Variants in TCF12 observed in about 807,000 individuals in gnomAD.
The protein encoded by TCF12 is DNA-binding protein HTF4.
In TCF12, 45 loss-of-function variants were observed where a neutral mutation model predicts 86.0. That is an observed-to-expected ratio of 0.52 (90% confidence interval 0.41 to 0.67). TCF12 has a LOEUF of 0.67. Ranked by LOEUF, TCF12 falls within the 30% of genes least tolerant of loss-of-function variation. The pLI is 0.00. For synonymous variants in TCF12, 330 were observed against 299.6 expected (o/e 1.10, Z -1.05); for missense variants, 881 against 859.9 (o/e 1.02, Z -0.31).
At chr15:57,240,792 A>T (rs1486523128) in intron 12 of TCF12, among the ~76,000 whole-genome samples, 2 of 139,078 alleles carry the variant, frequency 1.4e-5, no homozygotes, top group Non-Finnish European at 3.1e-5. Context: ...AGGTGGAAGG[A>T]TTGCTTGAGC....
intron 5 of TCF12, among the ~76,000 whole-genome samples, chr15:57,128,451 A>T (rs1378882183): frequency 2.0e-5 from 3 of 152,184 alleles, no homozygotes; most frequent in African/African-American, 7.2e-5. Context: ...GCCATTTTTT[A>T]AAATATTTAG....
At chr15:57,236,810 C>T (rs778353436) in intron 12 of TCF12, among the ~76,000 whole-genome samples, 2 of 151,178 alleles carry the variant, frequency 1.3e-5, no homozygotes, top group African/African-American at 4.9e-5. Flanking sequence ...GTTCCCAAAG[C>T]CCTGTGGATT....
chr15:57,181,711 C>T (rs2056364336), intron 6 of TCF12, among the ~76,000 whole-genome samples: 1 of 152,158 alleles, frequency 6.6e-6, no homozygotes, highest in South Asian at 2.1e-4. Flanking sequence ...ACATGTATCA[C>T]ATAGGCTGTT....
chr15:56,993,373 C>T (rs1205919313), intron 3 of TCF12, among the ~76,000 whole-genome samples: 2 of 152,126 alleles, frequency 1.3e-5, no homozygotes, highest in African/African-American at 4.8e-5. Context: ...GTTGACAAAT[C>T]CCATTGCTTT....
In TCF12 at chr15:57,007,928, CT is replaced by C. The variant is rs1308533412; in HGVS notation, c.149-55819del. 8.5e-4 allele frequency among the ~76,000 whole-genome samples: 101 copies of C among 118,740 alleles called. 1 individual carries two copies. Among genetic ancestry groups the C allele is most frequent in the African/African-American group, 2.9e-3 (90 of 31,470 alleles). 77.9% of individuals were successfully genotyped at this position (118,740 alleles called of 152,430 possible). A position where few individuals can be genotyped will look rare whatever the true frequency, so the allele number is the denominator to read the frequency against. On this transcript the variant is annotated intron_variant, in intron 3 of 20. Transcript: ENST00000333725. ...TTCCTTCCTTCCTCTTTCTTTGTTTCTTTGTTTCTTTCTTTTTTCTTTCTTT... is the reference window on the plus strand; with the variant it reads ...TTCCTTCCTTCCTCTTTCTTTGTTTCTTGTTTCTTTCTTTTTTCTTTCTTT...
At chr15:57,265,108 TATAGTATAGTATAGTATAGTATA>T (rs1417304225) in intron 18 of TCF12, among the ~76,000 whole-genome samples, 2 of 150,372 alleles carry the variant, frequency 1.3e-5, no homozygotes, top group African/African-American at 4.9e-5. Context: ...TATAGTATAG[TATAGTATAGTATAGTATAGTATA>T]GTATAAATAC....
intron 4 of TCF12, among the ~76,000 whole-genome samples, chr15:57,087,995 A>T (rs2048756765): frequency 6.6e-6 from 1 of 152,218 alleles, no homozygotes; most frequent in African/African-American, 2.4e-5. Context: ...TTTTATTAGC[A>T]TAGTAACTTT....
chr15:57,040,669 C>T (rs2066837385), intron 3 of TCF12, among the ~76,000 whole-genome samples: 4 of 152,140 alleles, frequency 2.6e-5, no homozygotes, highest in Admixed American at 2.6e-4. Flanking sequence ...GACATGAGCT[C>T]TCAGAATATC....
At chr15:56,981,717 A>T (rs1357173530) in intron 3 of TCF12, among the ~76,000 whole-genome samples, 1 of 152,246 alleles carries the variant, frequency 6.6e-6, no homozygotes, top group African/African-American at 2.4e-5. Context: ...CAGAAGTCTT[A>T]CTGATAACAT....
chr15:57,008,779 C>G (rs1443643247), intron 3 of TCF12, among the ~76,000 whole-genome samples: 3 of 152,110 alleles, frequency 2.0e-5, no homozygotes, highest in African/African-American at 7.2e-5. Flanking sequence ...TGGTTGCTCT[C>G]TAGTGACAGT....
At position 56,933,788 on chromosome 15, in the gene TCF12, A is replaced by G. The variant is rs1294980586; in HGVS notation, c.148+12690A>G. Among the ~76,000 whole-genome samples the G allele has an allele frequency of 9.9e-5, 15 of 152,272 alleles. No individual in the cohort carries two copies. In the East Asian group the frequency reaches 2.1e-3, roughly 22 times the overall value. On this transcript the variant is annotated intron_variant, in intron 3 of 20. Coordinates refer to ENST00000333725, the MANE Select transcript of TCF12 (RefSeq NM_207037.2). Reference sequence around the variant, plus strand: ...ACATATGGAGAGAGGGAATCTTCATATAAAACTTAAACATTTCTGATGGTC... The same window carrying G: ...ACATATGGAGAGAGGGAATCTTCATGTAAAACTTAAACATTTCTGATGGTC...
At chr15:56,981,270 C>T (rs2062876483) in intron 3 of TCF12, among the ~76,000 whole-genome samples, 1 of 152,196 alleles carries the variant, frequency 6.6e-6, no homozygotes, top group Non-Finnish European at 1.5e-5. Flanking sequence ...CTGGCGGCTG[C>T]CAAGTCCAAG....
intron 3 of TCF12, among the ~76,000 whole-genome samples, chr15:56,944,817 G>C (rs1190040819): frequency 6.6e-6 from 1 of 152,162 alleles, no homozygotes; most frequent in Non-Finnish European, 1.5e-5. Flanking sequence ...AAAATGGTAA[G>C]TATAAGTGTT....
intron 3 of TCF12, among the ~76,000 whole-genome samples, chr15:56,992,007 A>T (rs28648577): frequency 0.25 from 37,257 of 151,772 alleles, 5,381 homozygotes; most frequent in East Asian, 0.4. Context: ...GTACCCTAGT[A>T]CTTTAGGAGG....
intron 3 of TCF12, among the ~76,000 whole-genome samples, chr15:57,052,546 A>G (rs746478579): frequency 6.6e-6 from 1 of 151,432 alleles, no homozygotes; most frequent in Non-Finnish European, 1.5e-5. Context: ...CTGAGGCAAG[A>G]GATTCACTTG....
chr15:57,252,686 T>C (rs577364434), intron 15 of TCF12, among the ~76,000 whole-genome samples, 194 bp downstream of exon 15: 17 of 152,342 alleles, frequency 1.1e-4, no homozygotes, highest in African/African-American at 4.1e-4. Context: ...AAAACAGCTC[T>C]ACTGGCATGT....
chr15:57,282,758 A>G (rs536374055), intron 20 of TCF12, among the ~76,000 whole-genome samples, 160 bp downstream of exon 20: 22 of 152,358 alleles, frequency 1.4e-4, no homozygotes, highest in Admixed American at 5.9e-4. Flanking sequence ...ACATTATCAG[A>G]CTTAGAGAGC....
chr15:57,218,507 C>T (rs1403976173), intron 8 of TCF12, among the ~76,000 whole-genome samples: 1 of 152,170 alleles, frequency 6.6e-6, no homozygotes, highest in Non-Finnish European at 1.5e-5. Context: ...TATTCCCACA[C>T]TTCTTATTTT....
chr15:57,024,658 G>C (rs549905730), intron 3 of TCF12, among the ~76,000 whole-genome samples: 1 of 152,132 alleles, frequency 6.6e-6, no homozygotes, highest in Non-Finnish European at 1.5e-5. Flanking sequence ...GGAGCTTGCC[G>C]GTACTGCAAA....
Sources: gnomAD v4.1 joint callset for allele counts (sites outside exome capture counted in the v4.1 genomes callset) on GRCh38, gnomAD v4.1.1 for gene constraint, MANE v1.5 for transcripts, NCBI Gene and HGNC (gene_info 2026-07-23, HGNC 2026-07-21) for gene names.